WDR81: variants seen among roughly 807,000 people sequenced by gnomAD.
WDR81 encodes WD repeat domain 81, also known as WD repeat-containing protein 81.
WDR81 carries 92 observed loss-of-function variants against 140.8 expected under a neutral mutation model. That is an observed-to-expected ratio of 0.65 (90% CI 0.55 to 0.78). The LOEUF is 0.78. WDR81 is among the 30% of genes least tolerant of loss of function. The probability of loss-of-function intolerance (pLI) is 0.00; values close to 1 mark genes in which losing one functional copy is unlikely to be tolerated. For missense variants in WDR81, 2,502 were observed against 2,636.4 expected, an observed-to-expected ratio of 0.95 and a Z score of 1.12; for synonymous variants, 1,183 against 1,156.4, an observed-to-expected ratio of 1.02 and a Z score of -0.47.
In WDR81 at chr17:1,730,421, G is replaced by A. The variant is rs753566013; in HGVS notation, c.3709G>A (p.Gly1237Ser). ...GGTCCGCTGGCTGTCTGCCAAGCTCGGCCCCACAGTGGCCTCTCGCCACGT... is the reference window on the plus strand; with the variant it reads ...GGTCCGCTGGCTGTCTGCCAAGCTCAGCCCCACAGTGGCCTCTCGCCACGT... ...KMVRWLSAKLGPTVASRHVAR... is the reference protein window; with the variant it reads ...KMVRWLSAKLSPTVASRHVAR... Residue 1237 changes from glycine to serine, a missense_variant, in exon 2 of 10, where the codon GGC (glycine) becomes AGC (serine). By Grantham distance (56) the Gly-to-Ser change is moderately conservative. Transcript: ENST00000409644. 1.4e-5 allele frequency: 23 copies of A among 1,613,040 alleles called. No individual in the cohort carries two copies. Among genetic ancestry groups the A allele is most frequent in the Middle Eastern group, 1.6e-4 (1 of 6,080 alleles).
In WDR81 at chr17:1,728,056, G is replaced by C; in HGVS notation, c.3097G>C (p.Glu1033Gln). The stretch of plus-strand genomic sequence containing the variant: ...CCTGGCAGGGGCTGCTGAGGAGGAG[G>C]AGAGCGGGCTGCCCGGGGCCGGGCC... ...KDLAGAAEEE[E>Q]SGLPGAGPGS... is the part of the protein sequence containing the mutation. The change falls in exon 1 of 10, where the codon GAG (glutamate) becomes CAG (glutamine). Residue 1033 changes from glutamate (E) to glutamine (Q), a missense_variant. Physicochemically the swap from Glu to Gln is conservative, Grantham distance 29 (BLOSUM62 2). Around this residue, in one of 3 missense-constraint regions of WDR81, gnomAD observed 1,737 missense variants for 1,843.0 expected, o/e 0.94. Transcript: ENST00000409644. The C allele has an allele frequency of 6.6e-7, 1 of 1,504,606 alleles. No homozygotes were observed. The highest frequency in any genetic ancestry group is 9.0e-7 in the Non-Finnish European group (1 of 1,112,710). 93.2% of individuals were successfully genotyped at this position (1,504,606 alleles called of 1,614,324 possible). A position where few individuals can be genotyped will look rare whatever the true frequency, so the allele number is the denominator to read the frequency against.
chr17:1,725,018 A>C lies in WDR81; in HGVS notation c.59A>C (p.His20Pro), dbSNP rs1050266512. Residue 20 changes from histidine (H) to proline (P), a missense_variant, in exon 1 of 10, where the codon CAT becomes CCT. Around this residue, in one of 3 missense-constraint regions of WDR81, gnomAD observed 547 missense variants for 513.8 expected, o/e 1.06. Transcript: ENST00000409644. ...CTCAGAACCCCGGCCGGGGGCTGGC[A>C]TTCCCCGCCAAGCCCAGACATGCAG... ...GALRTPAGGW[H>P]SPPSPDMQEL... 3.1e-5 allele frequency: 46 copies of C among 1,471,082 alleles called. No individual in the cohort carries two copies. Among genetic ancestry groups the C allele is most frequent in the Non-Finnish European group, 3.9e-5 (43 of 1,113,440 alleles). 91.1% of individuals were successfully genotyped at this position (1,471,082 alleles called of 1,614,324 possible). A position where few individuals can be genotyped will look rare whatever the true frequency, so the allele number is the denominator to read the frequency against.
chr17:1,719,752 T>C (rs1049948947), upstream of WDR81, among the ~76,000 whole-genome samples: 4 of 148,900 alleles, frequency 2.7e-5, no homozygotes, highest in South Asian at 2.1e-4. Flanking sequence ...CCTGTAATTG[T>C]AGCACTTTGG....
chr17:1,724,717 C>T lies in WDR81; in HGVS notation c.-243C>T, dbSNP rs1015622840. ...GTGACCCGCGTCAGCTGACCCGTCA[C>T]GGTGGAGCCCGGTGCTCGCGCCCGG... On this transcript the variant is annotated 5_prime_UTR_variant, in exon 1 of 10. The change creates a new upstream start codon in the 5' untranslated region. Transcript: ENST00000409644. The T allele has an allele frequency of 3.7e-6, 4 of 1,093,926 alleles. No individual in the cohort carries two copies. Among genetic ancestry groups the T allele is most frequent in the African/African-American group, 1.7e-5 (1 of 60,160 alleles). 67.8% of individuals were successfully genotyped at this position (1,093,926 alleles called of 1,614,324 possible).
In WDR81 at chr17:1,727,636, G is replaced by C; in HGVS notation, c.2677G>C (p.Glu893Gln). The change falls in exon 1 of 10, where the codon GAG (glutamate) becomes CAG (glutamine). Residue 893 changes from glutamate to glutamine, a missense_variant. By Grantham distance (29) the Glu-to-Gln change is conservative. Around this residue, in one of 3 missense-constraint regions of WDR81, gnomAD observed 1,737 missense variants for 1,843.0 expected, o/e 0.94. Coordinates refer to ENST00000409644, the MANE Select transcript of WDR81 (RefSeq NM_001163809.2). Reference sequence around the variant, plus strand: ...CCTCCTGTACCAGGCAAGGCGTGTGGAGGACGAGGCCCAGGGGCGCGAGCT... The same window carrying C: ...CCTCCTGTACCAGGCAAGGCGTGTGCAGGACGAGGCCCAGGGGCGCGAGCT... The part of the protein sequence containing the change: ...FILLYQARRV[E>Q]DEAQGRELVF... 6.4e-7 allele frequency: 1 copy of C among 1,550,570 alleles called. No individual in the cohort carries two copies. Among genetic ancestry groups the C allele is most frequent in the Non-Finnish European group, 8.7e-7 (1 of 1,147,036 alleles).
At position 1,724,717 on chromosome 17, in the gene WDR81, C is replaced by G; in HGVS notation, c.-243C>G. The G allele has an allele frequency of 1.8e-6, 2 of 1,094,034 alleles. No individual in the cohort carries two copies. The highest frequency in any genetic ancestry group is 6.0e-5 in the East Asian group (1 of 16,746). 67.8% of individuals were successfully genotyped at this position (1,094,034 alleles called of 1,614,324 possible). On this transcript the variant is annotated 5_prime_UTR_variant, in exon 1 of 10. Transcript: ENST00000409644. ...GTGACCCGCGTCAGCTGACCCGTCACGGTGGAGCCCGGTGCTCGCGCCCGG... is the reference window on the plus strand; with the variant it reads ...GTGACCCGCGTCAGCTGACCCGTCAGGGTGGAGCCCGGTGCTCGCGCCCGG...
At chr17:1,737,329 C>G in intron 9 of WDR81, 36 bp from the exon 10 acceptor site, 1 of 1,562,684 alleles carries the variant, frequency 6.4e-7, no homozygotes. Flanking sequence ...GCAGAAGGAC[C>G]CAGGCTCCTG....
chr17:1,734,339 T>C (rs1904666370), intron 7 of WDR81, 123 bp downstream of exon 7: 4 of 1,188,794 alleles, frequency 3.4e-6, no homozygotes, highest in Admixed American at 2.9e-5. Flanking sequence ...CGAGGCCGCC[T>C]AGGAGAACAG....
rs747402931 is a variant in WDR81 at position 1,732,825 on chromosome 17, C to G, written c.4483C>G (p.Leu1495Val). 1.9e-6 allele frequency: 3 copies of G among 1,605,492 alleles called. No homozygotes were observed. The Admixed American group carries it at 5.1e-5, about 27-fold the overall frequency. ...CACAATCTACGTGCCCTTCTCCTGC[C>G]TGTTGGGTACTGCCCCATCACGTTC... ...AYTIYVPFSC[L>V]LGDIIRKIIP... The change falls in exon 6 of 10, where the codon CTG becomes GTG. Residue 1495 changes from leucine to valine, a missense_variant. This residue lies in a region of WDR81 where 1,737 missense variants were observed against 1,843.0 expected (regional missense o/e 0.94). Coordinates refer to ENST00000409644, the MANE Select transcript of WDR81 (RefSeq NM_001163809.2).
rs759576501 is a variant in WDR81 at position 1,725,254 on chromosome 17, C to T, written c.295C>T (p.Pro99Ser). ...CCTGCAGCGCTCTGTGCAAAGGCTG[C>T]CTGCCGGCTGGACGCGCGTGGAGGT... The part of the protein sequence containing the change: ...TLLQRSVQRL[P>S]AGWTRVEVHG... Residue 99 changes from proline (P) to serine (S), a missense_variant, in exon 1 of 10, where the codon CCT becomes TCT. Transcript: ENST00000409644. 8 of 1,543,746 alleles carry T rather than the reference C, an allele frequency of 5.2e-6. No homozygotes were observed. In the South Asian group the frequency reaches 8.3e-5, roughly 16 times the overall value.
At chr17:1,724,006 G>A (rs1245463847), upstream of WDR81, among the ~76,000 whole-genome samples, 1 of 152,170 alleles carries the variant, frequency 6.6e-6, no homozygotes, top group African/African-American at 2.4e-5. Flanking sequence ...GAAGTACTTA[G>A]GAAAGTTAAA....
chr17:1,725,298 G>T lies in WDR81; in HGVS notation c.339G>T (p.Arg113=). The T allele has an allele frequency of 6.5e-7, 1 of 1,547,852 alleles. No homozygotes were observed. Residue 113 remains arginine, a synonymous_variant, in exon 1 of 10, where the codon CGG becomes CGT. Coordinates refer to ENST00000409644, the MANE Select transcript of WDR81 (RefSeq NM_001163809.2). The part of the protein sequence containing the change: ...TRVEVHGLRK[R]RLSYPLGGGL... ...TGGAGGTGCATGGGCTGCGGAAGCG[G>T]AGACTGTCCTACCCTCTGGGCGGGG...
rs540612713 is a variant in WDR81, at chr17:1,718,421, C to T, written c.-124+1788C>T. On this transcript the variant is annotated intron_variant, in intron 1 of 10. Transcript: ENST00000309182. ...GCGTGTGAGCCACCGCGCCCGGCCG[C>T]ATTCACTCCACTTCTAACTGTTCTC... 2.6e-4 allele frequency among the ~76,000 whole-genome samples: 40 copies of T among 152,326 alleles called. No homozygotes were observed. The South Asian group carries it at 2.7e-3, about 10-fold the overall frequency.
chr17:1,731,385 G>T, intron 4 of WDR81, 127 bp downstream of exon 4: 1 of 1,191,876 alleles, frequency 8.4e-7, no homozygotes. Context: ...TTTTGATCCC[G>T]GCTGTGTGAC....
In WDR81 at chr17:1,726,829, G is replaced by C. The variant is rs1915309506; in HGVS notation, c.1870G>C (p.Glu624Gln). The change falls in exon 1 of 10, where the codon GAA (glutamate) becomes CAA (glutamine). Residue 624 changes from glutamate to glutamine, a missense_variant. Transcript: ENST00000409644. ...QETTGREDFT[E>Q]NPGQLPNGVG... is the part of the protein sequence containing the mutation. Reference sequence around the variant, plus strand: ...GACCACAGGCCGGGAGGACTTCACGGAAAACCCGGGACAGCTTCCAAATGG... The same window carrying C: ...GACCACAGGCCGGGAGGACTTCACGCAAAACCCGGGACAGCTTCCAAATGG... 4.5e-6 allele frequency: 7 copies of C among 1,549,976 alleles called. No individual in the cohort carries two copies. The East Asian group carries it at 1.7e-4, about 38-fold the overall frequency.
chr17:1,733,936 C>CTTTGGGGGGT lies in WDR81; in HGVS notation c.4902_4903insGGGGGGTTTT (p.His1635GlyfsTer76). On this transcript the variant is annotated frameshift_variant, in exon 7 of 10. Transcript: ENST00000409644. LOFTEE classifies it high-confidence loss of function. ...TCGGCGTGAGCCAGCAGGATGCCCA[C>CTTTGGGGGGT]TTTCACTTCCACCAGATCCGCCTGC... 6.2e-7 allele frequency: 1 copy of CTTTGGGGGGT among 1,612,840 alleles called. No individual in the cohort carries two copies. The highest frequency in any genetic ancestry group is 8.5e-7 in the Non-Finnish European group (1 of 1,179,974).
Position 1,731,136 on chromosome 17 carries a change from G to A in WDR81, c.4035G>A (p.Ala1345=), listed in dbSNP as rs553951927. The A allele has an allele frequency of 3.2e-5, 52 of 1,613,288 alleles. No individual in the cohort carries two copies. The highest frequency in any genetic ancestry group is 1.6e-4 in the Middle Eastern group (1 of 6,062). ...GTAAGGAGGCGGGGCTGCTGGCCGC[G>A]GTGACGCTGACTCAGAAGATCATCG... ...NSRKEAGLLA[A]VTLTQKIIVY... is the part of the protein sequence containing the mutation. The change falls in exon 4 of 10, where the codon GCG becomes GCA. Residue 1345 remains alanine (A), a synonymous_variant. Transcript: ENST00000409644.
chr17:1,734,233 G>A lies in WDR81; in HGVS notation c.5179+17G>A, dbSNP rs1423866757. 3.2e-6 allele frequency: 5 copies of A among 1,553,384 alleles called. No homozygotes were observed. Among genetic ancestry groups the A allele is most frequent in the Non-Finnish European group, 4.3e-6 (5 of 1,154,342 alleles). ...CCTTCACAGGTGAGCGGGCCCAGGT[G>A]AGGCCTGTTCTCTTCCTGCTCCTGC... is the stretch of plus-strand genomic sequence containing the variant. On this transcript the variant is annotated intron_variant, in intron 7 of 9. Coordinates refer to ENST00000409644, the MANE Select transcript of WDR81 (RefSeq NM_001163809.2).
At chr17:1,731,012 C>G in intron 3 of WDR81, 56 bp from the exon 4 acceptor site, 1 of 1,604,664 alleles carries the variant, frequency 6.2e-7, no homozygotes, top group South Asian at 1.1e-5. Context: ...CCCGGGCTCT[C>G]TTGGTGCCAG....
Sources: gnomAD v4.1 joint callset for allele counts (sites outside exome capture counted in the v4.1 genomes callset) on GRCh38, gnomAD v4.1.1 for gene constraint, gnomAD v4.1.1 regional missense constraint, MANE v1.5 for transcripts, NCBI Gene and HGNC (gene_info 2026-07-23, HGNC 2026-07-21) for gene names.